Variants in AMOTL1 observed in about 807,000 individuals in gnomAD.
AMOTL1 encodes angiomotin like 1, also known as angiomotin-like protein 1.
In AMOTL1, 45 loss-of-function variants were observed where a neutral mutation model predicts 102.9. That is an observed-to-expected ratio of 0.44 (90% CI 0.34 to 0.56). The LOEUF (loss-of-function observed/expected upper bound fraction) is 0.56. Among genes scored for constraint, AMOTL1 ranks in the 20% least tolerant of loss-of-function variants. The probability of loss-of-function intolerance (pLI) is 0.01; values close to 1 mark genes in which losing one functional copy is unlikely to be tolerated. For missense variants in AMOTL1, 1,114 were observed against 1,225.6 expected (o/e 0.91, Z 1.36); for synonymous variants, 481 against 484.7 (o/e 0.99, Z 0.10).
In AMOTL1 at chr11:94,821,389, G is replaced by A. The variant is rs879280448; in HGVS notation, c.1122-141G>A. 8.7e-5 allele frequency: 74 copies of A among 854,678 alleles called. No homozygotes were observed. The Admixed American group carries it at 1.9e-3, about 22-fold the overall frequency. 52.9% of individuals were successfully genotyped at this position (854,678 alleles called of 1,614,324 possible). A position where few individuals can be genotyped will look rare whatever the true frequency, so the allele number is the denominator to read the frequency against. On this transcript the variant is annotated intron_variant, in intron 3 of 12. Transcript: ENST00000433060. ...CGGAATGGTGCCAATTGAGATGGGAGCACAGTGAATACCTCCCACTGGGAA... is the reference window on the plus strand; with the variant it reads ...CGGAATGGTGCCAATTGAGATGGGAACACAGTGAATACCTCCCACTGGGAA...
chr11:94,843,594 A>T (rs1180846663), intron 6 of AMOTL1, among the ~76,000 whole-genome samples: 1 of 152,242 alleles, frequency 6.6e-6, no homozygotes, highest in African/African-American at 2.4e-5. Flanking sequence ...TGTCCCTTGG[A>T]ATAGAATCCT....
At position 94,756,097 on chromosome 11, in the gene AMOTL1, C is replaced by G. The variant is rs73530049; in HGVS notation, c.136+15109C>G. On this transcript the variant is annotated intron_variant, in intron 3 of 4. Coordinates refer to the AMOTL1 transcript ENST00000299004. ...CAGCAGCCAGACTCTCCTCTGACTG[C>G]CCCCAACCAAATTCCGCTGTCGATG... Among the ~76,000 whole-genome samples the G allele has an allele frequency of 2.6e-5, 4 of 152,168 alleles. No individual in the cohort carries two copies. The East Asian group carries it at 7.7e-4, about 29-fold the overall frequency.
intron 3 of AMOTL1, among the ~76,000 whole-genome samples, chr11:94,812,892 C>T (rs1641893328): frequency 6.6e-6 from 1 of 152,082 alleles, no homozygotes; most frequent in Non-Finnish European, 1.5e-5. Flanking sequence ...AGATACTAAG[C>T]ATTAGCATGA....
At chr11:94,745,552 T>G (rs539928431) in intron 3 of AMOTL1, among the ~76,000 whole-genome samples, 1 of 152,314 alleles carries the variant, frequency 6.6e-6, no homozygotes, top group East Asian at 1.9e-4. Context: ...TATTTTTTAT[T>G]ATGTTGTGTC....
chr11:94,863,399 C>T (rs1952814087), intron 9 of AMOTL1, among the ~76,000 whole-genome samples: 1 of 152,052 alleles, frequency 6.6e-6, no homozygotes. Context: ...TTGAGACCAG[C>T]CTGACCAACG....
intron 3 of AMOTL1, among the ~76,000 whole-genome samples, chr11:94,820,733 A>G (rs905843049): frequency 6.6e-6 from 1 of 152,140 alleles, no homozygotes; most frequent in South Asian, 2.1e-4. Flanking sequence ...TTGCAACTAG[A>G]TTGTCCCATC....
At chr11:94,818,037 G>A (rs1951795305) in intron 3 of AMOTL1, among the ~76,000 whole-genome samples, 1 of 152,144 alleles carries the variant, frequency 6.6e-6, no homozygotes, top group Non-Finnish European at 1.5e-5. Flanking sequence ...TCCAGAATTT[G>A]AAAACTATTT....
chr11:94,709,663 A>C (rs879405669), intron 1 of AMOTL1, among the ~76,000 whole-genome samples: 7 of 152,044 alleles, frequency 4.6e-5, no homozygotes, highest in Admixed American at 2.0e-4. Context: ...GAAACTTTTA[A>C]ATAACTCCAG....
chr11:94,720,254 A>C (rs1020100715), intron 1 of AMOTL1, among the ~76,000 whole-genome samples: 1 of 152,096 alleles, frequency 6.6e-6, no homozygotes, highest in Non-Finnish European at 1.5e-5. Flanking sequence ...GTTGAAAGGT[A>C]GACTCACTTA....
chr11:94,757,353 A>G (rs1950738708), intron 3 of AMOTL1, among the ~76,000 whole-genome samples: 1 of 152,184 alleles, frequency 6.6e-6, no homozygotes, highest in Non-Finnish European at 1.5e-5. Context: ...CGCTTATGAA[A>G]TGAGGAAAAA....
chr11:94,780,212 C>G (rs1163365941), intron 1 of AMOTL1, among the ~76,000 whole-genome samples: 1 of 152,206 alleles, frequency 6.6e-6, no homozygotes, highest in Non-Finnish European at 1.5e-5. Flanking sequence ...CCTATTGTCA[C>G]TGTCTCTGAA....
intron 1 of AMOTL1, among the ~76,000 whole-genome samples, chr11:94,716,890 G>A (rs1050960101): frequency 6.6e-6 from 1 of 152,132 alleles, no homozygotes; most frequent in Non-Finnish European, 1.5e-5. Context: ...TACTATTGCT[G>A]CTGCAGGCAG....
intron 1 of AMOTL1, among the ~76,000 whole-genome samples, chr11:94,714,945 A>G (rs1043805693): frequency 6.6e-6 from 1 of 151,632 alleles, no homozygotes; most frequent in Non-Finnish European, 1.5e-5. Context: ...TTGTTTCTTG[A>G]GCTAGCGACT....
At chr11:94,725,827 C>T (rs1950248375) in intron 1 of AMOTL1, among the ~76,000 whole-genome samples, 1 of 152,088 alleles carries the variant, frequency 6.6e-6, no homozygotes, top group African/African-American at 2.4e-5. Context: ...CATTATATAC[C>T]ATGTTAAATA....
chr11:94,868,830 C>T (rs1312737461), intron 11 of AMOTL1, among the ~76,000 whole-genome samples: 2 of 151,996 alleles, frequency 1.3e-5, no homozygotes, highest in African/African-American at 2.4e-5. Context: ...ACCCCTCCTG[C>T]TGGCAATTAG....
At chr11:94,719,212 A>T (rs777181450) in intron 1 of AMOTL1, among the ~76,000 whole-genome samples, 1 of 152,024 alleles carries the variant, frequency 6.6e-6, no homozygotes, top group Non-Finnish European at 1.5e-5. Context: ...ATTCTGTGCT[A>T]CCAAATAATT....
chr11:94,756,263 G>A (rs1357814666), intron 3 of AMOTL1, among the ~76,000 whole-genome samples: 1 of 152,092 alleles, frequency 6.6e-6, no homozygotes, highest in African/African-American at 2.4e-5. Flanking sequence ...AGCTTTTTGG[G>A]TGCAAAAACA....
chr11:94,795,269 A>C, intron 2 of AMOTL1, 109 bp downstream of exon 2: 1 of 1,358,882 alleles, frequency 7.4e-7, no homozygotes, highest in Non-Finnish European at 1.0e-6. Context: ...TTGTTTTTTA[A>C]ATCATCATAT....
intron 3 of AMOTL1, among the ~76,000 whole-genome samples, chr11:94,803,601 A>AC (rs1305269390): frequency 6.6e-6 from 1 of 152,050 alleles, no homozygotes; most frequent in African/African-American, 2.4e-5. Flanking sequence ...ACCACTCCCA[A>AC]CCCCCCAAGC....
Sources: allele counts gnomAD v4.1 joint callset (sites outside exome capture counted in the v4.1 genomes callset), GRCh38; gene constraint gnomAD v4.1.1; transcripts MANE v1.5; gene names NCBI Gene and HGNC (gene_info 2026-07-23, HGNC 2026-07-21).